Variants in TCOF1 observed in about 807,000 individuals in gnomAD.
TCOF1 encodes treacle protein.
In TCOF1, 33 loss-of-function variants were observed where a neutral mutation model predicts 149.0. The observed-to-expected ratio is 0.22, with a 90% confidence interval of 0.17 to 0.30. TCOF1 has a LOEUF of 0.30. TCOF1 is among the 10% of genes least tolerant of loss of function. The pLI, the probability that TCOF1 is intolerant of heterozygous loss-of-function variation, is 1.00. For synonymous variants in TCOF1, 789 were observed against 738.8 expected (o/e 1.07, Z -1.10); for missense variants, 1,728 against 1,840.7 (o/e 0.94, Z 1.12).
At chr5:150,396,190 G>A in intron 23 of TCOF1, 92 bp from the exon 24 acceptor site, 1 of 1,414,810 alleles carries the variant, frequency 7.1e-7, no homozygotes, top group South Asian at 1.2e-5. Flanking sequence ...AGAAAAGATG[G>A]AGTCACTCCC....
chr5:150,360,444 G>T (rs1159970682), intron 1 of TCOF1, among the ~76,000 whole-genome samples: 4 of 152,178 alleles, frequency 2.6e-5, no homozygotes, highest in African/African-American at 9.6e-5. Context: ...GATGCCTCAG[G>T]TGTCTGGGCT....
intron 3 of TCOF1, 106 bp from the exon 4 acceptor site, chr5:150,367,738 C>A: frequency 7.6e-7 from 1 of 1,322,472 alleles, no homozygotes; most frequent in Non-Finnish European, 1.1e-6. Flanking sequence ...ATGCCAGCAC[C>A]AGGCAGCCAA....
At chr5:150,390,087 C>A in intron 19 of TCOF1, 64 bp downstream of exon 19, 1 of 1,553,252 alleles carries the variant, frequency 6.4e-7, no homozygotes, top group African/African-American at 1.4e-5. Context: ...CCATACTTAC[C>A]CACATGTGCT....
At chr5:150,391,115 GGT>G (rs1333608648) in intron 19 of TCOF1, among the ~76,000 whole-genome samples, 2 of 152,166 alleles carry the variant, frequency 1.3e-5, no homozygotes, top group African/African-American at 4.8e-5. Context: ...GAAACTGAGA[GGT>G]GGGGACAGCT....
chr5:150,378,822 T>C, intron 14 of TCOF1, 83 bp from the exon 15 acceptor site: 1 of 1,601,264 alleles, frequency 6.2e-7, no homozygotes, highest in Non-Finnish European at 8.6e-7. Context: ...AGACTCGGGC[T>C]CCAGCTCCAG....
intron 17 of TCOF1, among the ~76,000 whole-genome samples, chr5:150,386,380 A>G (rs1766302911): frequency 6.6e-6 from 1 of 151,988 alleles, no homozygotes; most frequent in Non-Finnish European, 1.5e-5. Flanking sequence ...CCCACTTTCC[A>G]TCCTTCTCTT....
chr5:150,381,861 A>G (rs1451837728), intron 17 of TCOF1, among the ~76,000 whole-genome samples: 1 of 152,158 alleles, frequency 6.6e-6, no homozygotes, highest in African/African-American at 2.4e-5. Context: ...TCTGCACTCC[A>G]CTAGCTTTAT....
intron 1 of TCOF1, among the ~76,000 whole-genome samples, chr5:150,359,684 T>G (rs1265144736): frequency 1.3e-5 from 2 of 152,154 alleles, no homozygotes; most frequent in African/African-American, 4.8e-5. Flanking sequence ...ACTTCACAGA[T>G]AAGGGGAGCA....
chr5:150,394,916 CA>C (rs57777218), intron 23 of TCOF1: 30,387 of 72,298 alleles, frequency 0.42, 3,242 homozygotes, highest in Middle Eastern at 0.57. Context: ...AACTCTGTCT[CA>C]AAAAAAAAAA....
chr5:150,397,581 T>C (rs1768847018), intron 24 of TCOF1, among the ~76,000 whole-genome samples: 1 of 152,126 alleles, frequency 6.6e-6, no homozygotes, highest in Non-Finnish European at 1.5e-5. Context: ...AGAGTTTTGC[T>C]AGGTGGAGCC....
At chr5:150,360,617 A>C (rs563731013) in intron 1 of TCOF1, among the ~76,000 whole-genome samples, 2 of 152,310 alleles carry the variant, frequency 1.3e-5, no homozygotes, top group Admixed American at 1.3e-4. Flanking sequence ...CTGGCCTTTC[A>C]AAGGGGTTGT....
rs1393810900 is a variant in TCOF1 at position 150,375,466 on chromosome 5, G to A, written c.1616G>A (p.Gly539Glu). The change falls in exon 11 of 27, where the codon GGG (glycine) becomes GAG (glutamate). Residue 539 changes from glycine (G) to glutamate (E), a missense_variant. Transcript: ENST00000643257. Reference sequence around the variant, plus strand: ...CCTGCAACCCCCTCAGCCCAGGTGGGGAAGTGGGAGGAGGACTCAGAGAGC... The same window carrying A: ...CCTGCAACCCCCTCAGCCCAGGTGGAGAAGTGGGAGGAGGACTCAGAGAGC... ...VGPATPSAQV[G>E]KWEEDSESSS... 6.2e-7 allele frequency: 1 copy of A among 1,614,094 alleles called. No individual in the cohort carries two copies. The highest frequency in any genetic ancestry group is 1.1e-5 in the South Asian group (1 of 91,078).
intron 17 of TCOF1, among the ~76,000 whole-genome samples, chr5:150,386,715 C>A (rs1344238286): frequency 6.6e-6 from 1 of 152,218 alleles, no homozygotes; most frequent in Non-Finnish European, 1.5e-5. Flanking sequence ...AGAGCTCAAA[C>A]CAGATCTGAC....
intron 26 of TCOF1, among the ~76,000 whole-genome samples, 158 bp from the exon 27 acceptor site, chr5:150,399,652 A>T (rs1470870643): frequency 2.0e-5 from 3 of 152,182 alleles, no homozygotes; most frequent in Non-Finnish European, 4.4e-5. Flanking sequence ...TAAACTAAAC[A>T]CTAAAGGACT....
intron 14 of TCOF1, 184 bp from the exon 15 acceptor site, chr5:150,378,721 T>C (rs1764364201): frequency 1.1e-5 from 8 of 744,210 alleles, no homozygotes; most frequent in African/African-American, 1.8e-5. Context: ...CTTATTATTA[T>C]CTCCATTTGA....
chr5:150,393,494 A>C lies in TCOF1; in HGVS notation c.3726A>C (p.Pro1242=), dbSNP rs1165814920. The change falls in exon 23 of 27, where the codon CCA becomes CCC. Residue 1242 remains proline (P), a synonymous_variant. Transcript: ENST00000643257. The part of the protein sequence containing the change: ...VSSTLAAKDD[P]DGKQEAKPQQ... ...CTACTCTGGCCGCCAAAGATGACCCAGATGGCAAGCAGGAGGCAAAGCCCC... is the reference window on the plus strand; with the variant it reads ...CTACTCTGGCCGCCAAAGATGACCCCGATGGCAAGCAGGAGGCAAAGCCCC... The C allele has an allele frequency of 1.2e-6, 2 of 1,614,088 alleles. No homozygotes were observed. The highest frequency in any genetic ancestry group is 3.3e-5 in the Admixed American group (2 of 60,000).
Position 150,366,639 on chromosome 5 carries a change from CTTTTTTTTTTTTTT to C in TCOF1, c.305-1192_305-1179del, listed in dbSNP as rs1204091560. On this transcript the variant is annotated intron_variant, in intron 3 of 26. Transcript: ENST00000643257. ...TGCCATTCATCTCAGCAACATTCTT[CTTTTTTTTTTTTTT>C]TTTTTTTTTTTTGAGACGGAGTCTC... 7.8e-5 allele frequency among the ~76,000 whole-genome samples: 5 copies of C among 64,382 alleles called. 2 individuals are homozygous for C. The highest frequency in any genetic ancestry group is 2.0e-4 in the African/African-American group (2 of 9,858). 42.2% of individuals were successfully genotyped at this position (64,382 alleles called of 152,430 possible). A position where few individuals can be genotyped will look rare whatever the true frequency, so the allele number is the denominator to read the frequency against.
chr5:150,374,053 A>C lies in TCOF1; in HGVS notation c.871-121A>C. The C allele has an allele frequency of 1.9e-6, 2 of 1,072,800 alleles. 1 individual carries two copies. The highest frequency in any genetic ancestry group is 5.4e-4 in the Middle Eastern group (2 of 3,682). 66.5% of individuals were successfully genotyped at this position (1,072,800 alleles called of 1,614,324 possible). A position where few individuals can be genotyped will look rare whatever the true frequency, so the allele number is the denominator to read the frequency against. ...GGCCAAAGTATCAGTCAAGGTGGGG[A>C]GTGGGGAGGGAAGCAGGGGAGGTCT... On this transcript the variant is annotated intron_variant, in intron 7 of 26. Coordinates refer to ENST00000643257, the MANE Select transcript of TCOF1 (RefSeq NM_001371623.1).
chr5:150,359,540 TG>T (rs1054131529), intron 1 of TCOF1, among the ~76,000 whole-genome samples: 1 of 152,112 alleles, frequency 6.6e-6, no homozygotes, highest in African/African-American at 2.4e-5. Context: ...CTTTGCCCTG[TG>T]GTGTAGGCTC....
Sources: allele counts gnomAD v4.1 joint callset (sites outside exome capture counted in the v4.1 genomes callset), GRCh38; gene constraint gnomAD v4.1.1; transcripts MANE v1.5; gene names NCBI Gene and HGNC (gene_info 2026-07-23, HGNC 2026-07-21).